NOS1AP: variants seen among roughly 807,000 people sequenced by gnomAD.
NOS1AP encodes the protein carboxyl-terminal PDZ ligand of neuronal nitric oxide synthase protein.
A neutral mutation model predicts 56.2 loss-of-function variants in NOS1AP; 21 were observed. The observed-to-expected ratio is 0.37, with a 90% confidence interval of 0.26 to 0.54. The LOEUF is 0.54. Ranked by LOEUF, NOS1AP falls within the 20% of genes least tolerant of loss-of-function variation. The pLI, the probability that NOS1AP is intolerant of heterozygous loss-of-function variation, is 0.84. For missense variants in NOS1AP, 522 were observed against 657.8 expected (o/e 0.79, Z 2.26); for synonymous variants, 270 against 274.6 (o/e 0.98, Z 0.17).
chr1:162,342,591 A>G (rs1329749235), intron 5 of NOS1AP: 1 of 495,344 alleles, frequency 2.0e-6, no homozygotes, highest in Non-Finnish European at 4.2e-6. Flanking sequence ...AGCTTCATTT[A>G]TACATTTCAT....
intron 4 of NOS1AP, among the ~76,000 whole-genome samples, chr1:162,301,797 C>T (rs754001025): frequency 1.1e-4 from 16 of 152,134 alleles, no homozygotes; most frequent in Non-Finnish European, 1.5e-4. Flanking sequence ...TGATTTTGTC[C>T]GCTCTCAAAT....
intron 4 of NOS1AP, among the ~76,000 whole-genome samples, chr1:162,329,256 G>A (rs1284979361): frequency 6.6e-6 from 1 of 152,132 alleles, no homozygotes; most frequent in South Asian, 2.1e-4. Flanking sequence ...GGCCAGCTGT[G>A]GTGGCTTACA....
At chr1:162,176,525 T>G (rs1651066509) in intron 2 of NOS1AP, among the ~76,000 whole-genome samples, 1 of 142,950 alleles carries the variant, frequency 7.0e-6, no homozygotes, top group South Asian at 2.3e-4. Flanking sequence ...TTTTTTTTTT[T>G]TTGAGATGGA....
At chr1:162,183,989 A>G (rs570021020) in intron 2 of NOS1AP, among the ~76,000 whole-genome samples, 147 of 152,334 alleles carry the variant, frequency 9.6e-4, no homozygotes, top group Admixed American at 3.0e-3. Flanking sequence ...CTTTCGGCCT[A>G]TCTCAGCTTT....
chr1:162,342,750 G>T, intron 5 of NOS1AP: 1 of 375,710 alleles, frequency 2.7e-6, no homozygotes. Context: ...TGGGGTGGGT[G>T]GGAGGTGGAT....
intron 3 of NOS1AP, among the ~76,000 whole-genome samples, chr1:162,299,369 TAGGATACATACAA>T (rs999674065): frequency 6.6e-5 from 10 of 152,148 alleles, no homozygotes; most frequent in Admixed American, 1.3e-4. Flanking sequence ...CACTGGTAAG[TAGGATACATACAA>T]AGAAAATTCA....
At chr1:162,184,499 C>A (rs1389088675) in intron 2 of NOS1AP, among the ~76,000 whole-genome samples, 1 of 152,174 alleles carries the variant, frequency 6.6e-6, no homozygotes, top group Non-Finnish European at 1.5e-5. Context: ...TAAAGCACAA[C>A]AGAGTGAAAT....
At position 162,289,464 on chromosome 1, in the gene NOS1AP, C is replaced by CTTTTTTTTTTT. The variant is rs565786964; in HGVS notation, c.270+2032_270+2033insTTTTTTTTTTT. ...TGGCGCCTGCCACCACGCCCAGCTA[C>CTTTTTTTTTTT]TTTTCTTTTTTTTTTTTTTTTTTTT... On this transcript the variant is annotated intron_variant, in intron 3 of 9. Coordinates refer to ENST00000361897, the MANE Select transcript of NOS1AP (RefSeq NM_014697.3). Among the ~76,000 whole-genome samples the CTTTTTTTTTTT allele has an allele frequency of 4.4e-5, 2 of 45,050 alleles. 1 individual carries two copies. Among genetic ancestry groups the CTTTTTTTTTTT allele is most frequent in the Non-Finnish European group, 8.1e-5 (2 of 24,780 alleles). The allele number at this position is 45,050 out of a possible 152,430, so 29.6% of individuals were successfully genotyped here.
intron 2 of NOS1AP, among the ~76,000 whole-genome samples, chr1:162,214,631 T>G (rs1340358813): frequency 6.6e-6 from 1 of 152,254 alleles, no homozygotes; most frequent in East Asian, 1.9e-4. Flanking sequence ...CTGCATATCT[T>G]TTTAATTTTG....
chr1:162,163,610 G>C (rs1650335021), intron 2 of NOS1AP, among the ~76,000 whole-genome samples: 1 of 152,086 alleles, frequency 6.6e-6, no homozygotes. Flanking sequence ...ATGGAAAGAG[G>C]GAGTGAGCCG....
intron 1 of NOS1AP, among the ~76,000 whole-genome samples, chr1:162,097,685 A>C (rs1300532073): frequency 6.6e-6 from 1 of 152,160 alleles, no homozygotes; most frequent in Non-Finnish European, 1.5e-5. Context: ...GTGGAGGTCC[A>C]TTTCAAGGTT....
rs35388532 is a variant in NOS1AP at position 162,122,509 on chromosome 1, A to ATT, written c.106-31881_106-31880dup. ...AGAGAGAATGATATAATGAATCCCC[A>ATT]TTTTTTTTTTTTTTTTGAGACAAGG... On this transcript the variant is annotated intron_variant, in intron 1 of 9. Coordinates refer to ENST00000361897, the MANE Select transcript of NOS1AP (RefSeq NM_014697.3). 3.5e-3 allele frequency among the ~76,000 whole-genome samples: 498 copies of ATT among 142,268 alleles called. 1 individual carries two copies. Among genetic ancestry groups the ATT allele is most frequent in the Non-Finnish European group, 4.5e-3 (297 of 65,712 alleles). The allele number at this position is 142,268 out of a possible 152,430, so 93.3% of individuals were successfully genotyped here.
intron 4 of NOS1AP, among the ~76,000 whole-genome samples, chr1:162,317,572 T>C (rs549899972): frequency 2.0e-5 from 3 of 152,256 alleles, no homozygotes; most frequent in Admixed American, 6.5e-5. Flanking sequence ...AAAGAGAGAC[T>C]GCAAGACTCA....
chr1:162,366,130 C>T (rs758592047), intron 9 of NOS1AP, among the ~76,000 whole-genome samples: 41 of 152,318 alleles, frequency 2.7e-4, no homozygotes, highest in Middle Eastern at 6.8e-3. Flanking sequence ...GCTTGAGAAG[C>T]TGTCTCTACA....
chr1:162,249,104 G>T (rs572335894), intron 2 of NOS1AP, among the ~76,000 whole-genome samples: 1 of 152,056 alleles, frequency 6.6e-6, no homozygotes, highest in Non-Finnish European at 1.5e-5. Flanking sequence ...AAGCTCTCCC[G>T]GGGTTTGGCC....
chr1:162,333,562 T>C (rs1054764189), intron 5 of NOS1AP, among the ~76,000 whole-genome samples: 6 of 152,200 alleles, frequency 3.9e-5, no homozygotes, highest in Non-Finnish European at 5.9e-5. Flanking sequence ...TATGGCAACC[T>C]TGATACTCAA....
chr1:162,147,415 G>A (rs942432946), intron 1 of NOS1AP, among the ~76,000 whole-genome samples: 1 of 151,914 alleles, frequency 6.6e-6, no homozygotes, highest in East Asian at 1.9e-4. Flanking sequence ...AATAAAAGGA[G>A]TTTCCAGAAG....
chr1:162,156,004 G>A (rs1329527481), intron 2 of NOS1AP, among the ~76,000 whole-genome samples: 2 of 152,158 alleles, frequency 1.3e-5, no homozygotes, highest in East Asian at 3.8e-4. Flanking sequence ...CCTTCCTCTG[G>A]TCAACAGAAA....
chr1:162,184,293 A>C (rs992443848), intron 2 of NOS1AP, among the ~76,000 whole-genome samples: 1 of 152,218 alleles, frequency 6.6e-6, no homozygotes, highest in Non-Finnish European at 1.5e-5. Context: ...TAGTAACAAT[A>C]ACGATCACTA....
Sources: allele counts gnomAD v4.1 joint callset (sites outside exome capture counted in the v4.1 genomes callset), GRCh38; gene constraint gnomAD v4.1.1; transcripts MANE v1.5; gene names NCBI Gene and HGNC (gene_info 2026-07-23, HGNC 2026-07-21).